The following NRXN3 variants were observed in gnomAD, a reference collection of about 807,000 sequenced individuals.
NRXN3 encodes neurexin III.
Under a neutral mutation model 137.6 loss-of-function variants are expected in NRXN3, and 32 were observed. That is an observed-to-expected ratio of 0.23 (90% CI 0.18 to 0.31). The LOEUF is 0.31. Ranked by LOEUF, NRXN3 falls within the 10% of genes least tolerant of loss-of-function variation. The pLI is 1.00. For synonymous variants in NRXN3, 798 were observed against 784.5 expected (o/e 1.02, Z -0.29); for missense variants, 1,574 against 2,062.5 (o/e 0.76, Z 4.59).
intron 16 of NRXN3, among the ~76,000 whole-genome samples, chr14:79,556,543 T>A (rs1469644121): frequency 1.3e-5 from 2 of 152,084 alleles, no homozygotes; most frequent in African/African-American, 4.8e-5. Context: ...CCCTGCTTTT[T>A]GTTTGCCTGT....
chr14:79,767,179 A>G (rs986155508), intron 19 of NRXN3, among the ~76,000 whole-genome samples: 2 of 152,150 alleles, frequency 1.3e-5, no homozygotes, highest in Non-Finnish European at 2.9e-5. Flanking sequence ...CTGCCTCTGT[A>G]GTCTTATTCT....
At chr14:79,489,872 T>A (rs934281723) in intron 16 of NRXN3, among the ~76,000 whole-genome samples, 89 of 151,762 alleles carry the variant, frequency 5.9e-4, no homozygotes, top group African/African-American at 2.0e-3. Flanking sequence ...ACTCCACCTC[T>A]ACTAAAAATA....
At chr14:78,740,692 CT>C (rs1428970411) in intron 8 of NRXN3, among the ~76,000 whole-genome samples, 10 of 152,210 alleles carry the variant, frequency 6.6e-5, no homozygotes, top group African/African-American at 2.4e-4. Flanking sequence ...CCCAAGTTCT[CT>C]TTGCATGTTG....
intron 10 of NRXN3, among the ~76,000 whole-genome samples, chr14:78,875,878 G>GGATT (rs2099112867): frequency 6.6e-6 from 1 of 152,096 alleles, no homozygotes; most frequent in Non-Finnish European, 1.5e-5. Context: ...GAGAACGATA[G>GGATT]GATTTCACAC....
intron 15 of NRXN3, among the ~76,000 whole-genome samples, chr14:79,146,963 G>A (rs1025385895): frequency 6.6e-6 from 1 of 152,102 alleles, no homozygotes. Context: ...TTAACCTTTG[G>A]TGATGGGCTT....
intron 16 of NRXN3, among the ~76,000 whole-genome samples, chr14:79,662,536 C>A (rs553071142): frequency 1.6e-4 from 24 of 152,192 alleles, no homozygotes; most frequent in African/African-American, 5.3e-4. Context: ...ACCAGCATCA[C>A]CATTTGCATC....
chr14:78,645,378 A>G lies in NRXN3; in HGVS notation c.1016A>G (p.Asp339Gly). 1 of 1,597,564 alleles carries G rather than the reference A, an allele frequency of 6.3e-7. No homozygotes were observed. The highest frequency in any genetic ancestry group is 8.5e-7 in the Non-Finnish European group (1 of 1,178,672). ...GAGCCAGTGAATGGAAAATTCAACG[A>G]CAACGCCTGGCATGATGTCAAAGTG... ...IVEPVNGKFN[D>G]NAWHDVKVTR... The change falls in exon 5 of 21, where the codon GAC (aspartate) becomes GGC (glycine). Residue 339 changes from aspartate to glycine, a missense_variant. Asp to Gly is a moderately conservative substitution (Grantham distance 94). Coordinates refer to ENST00000335750, the MANE Select transcript of NRXN3 (RefSeq NM_001330195.2).
intron 20 of NRXN3, among the ~76,000 whole-genome samples, chr14:79,807,531 C>G (rs1603553792): frequency 6.6e-6 from 1 of 152,170 alleles, no homozygotes; most frequent in Non-Finnish European, 1.5e-5. Context: ...TGGCCCCAAA[C>G]TAAATCCATT....
At chr14:78,766,990 T>G (rs573463130) in intron 8 of NRXN3, among the ~76,000 whole-genome samples, 1 of 152,334 alleles carries the variant, frequency 6.6e-6, no homozygotes, top group East Asian at 1.9e-4. Context: ...ATGCTAGTTT[T>G]CTTTTGCTGC....
intron 4 of NRXN3, among the ~76,000 whole-genome samples, chr14:78,439,400 T>C (rs1477158639): frequency 6.6e-6 from 1 of 152,222 alleles, no homozygotes; most frequent in Admixed American, 6.5e-5. Context: ...TACAGCACAT[T>C]GAGCATCTGC....
intron 1 of NRXN3, among the ~76,000 whole-genome samples, chr14:78,190,969 C>G (rs1262712881): frequency 6.6e-6 from 1 of 152,158 alleles, no homozygotes; most frequent in Non-Finnish European, 1.5e-5. Context: ...CTGCTGCCCC[C>G]ACCCAGTGAC....
chr14:79,585,085 A>G (rs2097754844), intron 16 of NRXN3, among the ~76,000 whole-genome samples: 1 of 152,218 alleles, frequency 6.6e-6, no homozygotes, highest in Non-Finnish European at 1.5e-5. Context: ...TGGGCCGTTC[A>G]AGTTTTAATA....
At chr14:78,174,288 G>A (rs2059050487) in intron 1 of NRXN3, among the ~76,000 whole-genome samples, 1 of 152,110 alleles carries the variant, frequency 6.6e-6, no homozygotes, top group Non-Finnish European at 1.5e-5. Context: ...TAGAGCCACA[G>A]CCCCCTCCCC....
chr14:78,802,836 C>T (rs1232342024), intron 8 of NRXN3, among the ~76,000 whole-genome samples: 1 of 152,140 alleles, frequency 6.6e-6, no homozygotes, highest in Non-Finnish European at 1.5e-5. Context: ...ATCCCAGCTG[C>T]TCGGTAGGCT....
At chr14:79,713,190 T>TTA (rs1567979801) in intron 19 of NRXN3, among the ~76,000 whole-genome samples, 3 of 108,596 alleles carry the variant, frequency 2.8e-5, no homozygotes, top group African/African-American at 3.8e-5. Context: ...TTTTTTTTTT[T>TTA]ACCCTCTCTC....
intron 20 of NRXN3, among the ~76,000 whole-genome samples, chr14:79,817,214 A>T (rs1313410306): frequency 1.3e-5 from 2 of 151,876 alleles, no homozygotes; most frequent in Non-Finnish European, 2.9e-5. Context: ...CACCATACCC[A>T]GCTAATTTTT....
chr14:79,283,669 T>C (rs2081676288), intron 15 of NRXN3, among the ~76,000 whole-genome samples: 1 of 151,896 alleles, frequency 6.6e-6, no homozygotes, highest in Non-Finnish European at 1.5e-5. Flanking sequence ...TGTTTCAGGA[T>C]AGGATTAACC....
At chr14:78,516,310 AC>A (rs1196926239) in intron 4 of NRXN3, among the ~76,000 whole-genome samples, 5 of 143,680 alleles carry the variant, frequency 3.5e-5, no homozygotes, top group African/African-American at 1.3e-4. Context: ...CATACCAGTC[AC>A]TGGCTTCTCT....
chr14:78,933,147 A>T (rs974459259), intron 10 of NRXN3, among the ~76,000 whole-genome samples: 4 of 152,148 alleles, frequency 2.6e-5, no homozygotes, highest in Non-Finnish European at 4.4e-5. Flanking sequence ...TGCCTCCAAC[A>T]CTAGATTGTG....
Sources: allele counts gnomAD v4.1 joint callset (sites outside exome capture counted in the v4.1 genomes callset), GRCh38; gene constraint gnomAD v4.1.1; transcripts MANE v1.5; gene names NCBI Gene and HGNC (gene_info 2026-07-23, HGNC 2026-07-21).